URAD: variants seen among roughly 807,000 people sequenced by gnomAD.
URAD encodes putative 2-oxo-4-hydroxy-4-carboxy-5-ureidoimidazoline decarboxylase.
Under a neutral mutation model 4.6 loss-of-function variants are expected in URAD, and 4 were observed. The observed-to-expected ratio is 0.87, with a 90% confidence interval of 0.43 to 1.98. The LOEUF is 1.98. Among genes scored for constraint, URAD ranks in the 30% most tolerant of loss-of-function variants. The probability of loss-of-function intolerance (pLI) is 0.03; values close to 1 mark genes in which losing one functional copy is unlikely to be tolerated. For synonymous variants in URAD, 144 were observed against 118.2 expected (o/e 1.22, Z -1.41); for missense variants, 300 against 255.3 (o/e 1.18, Z -1.19).
At chr13:27,983,783 C>G (rs933248216) in intron 1 of URAD, among the ~76,000 whole-genome samples, 1 of 152,138 alleles carries the variant, frequency 6.6e-6, no homozygotes, top group Non-Finnish European at 1.5e-5. Context: ...TTCCCAGTGC[C>G]CACAACAATC....
chr13:27,980,571 A>C (rs1407343273), intron 1 of URAD, among the ~76,000 whole-genome samples: 1 of 152,174 alleles, frequency 6.6e-6, no homozygotes, highest in Admixed American at 6.5e-5. Flanking sequence ...TCGGAGTTTC[A>C]GAGCAGCCGC....
intron 1 of URAD, among the ~76,000 whole-genome samples, chr13:27,984,997 A>G (rs1250773745): frequency 6.6e-6 from 1 of 152,002 alleles, no homozygotes; most frequent in Non-Finnish European, 1.5e-5. Context: ...AAACAAACAA[A>G]AGCAATTTTA....
chr13:27,985,428 A>G, intron 1 of URAD, among the ~76,000 whole-genome samples: 1 of 152,224 alleles, frequency 6.6e-6, no homozygotes, highest in East Asian at 1.9e-4. Flanking sequence ...ACTGCACTCT[A>G]GCTTGGGTGA....
intron 1 of URAD, among the ~76,000 whole-genome samples, chr13:27,979,465 A>T (rs1869814175): frequency 6.6e-6 from 1 of 152,248 alleles, no homozygotes; most frequent in African/African-American, 2.4e-5. Flanking sequence ...GATTTGTAAA[A>T]TGCGGGTGAC....
At position 27,978,293 on chromosome 13, in the gene URAD, C is replaced by G; in HGVS notation, c.335G>C (p.Arg112Pro). ...CACGAAGGGGAAACCGAAGCGCGCG[C>G]GGTACTGCGCGTTGAGCTCGGCCAG... ...LRLAELNAQY[R>P]ARFGFPFVLA... is the part of the protein sequence containing the mutation. Residue 112 changes from arginine (R) to proline (P), a missense_variant, in exon 2 of 2, where the codon CGC becomes CCC. Transcript: ENST00000332715. 7.1e-7 allele frequency: 1 copy of G among 1,401,488 alleles called. No individual in the cohort carries two copies. The highest frequency in any genetic ancestry group is 9.2e-7 in the Non-Finnish European group (1 of 1,085,680). 86.8% of individuals were successfully genotyped at this position (1,401,488 alleles called of 1,614,324 possible).
At position 27,978,148 on chromosome 13, in the gene URAD, C is replaced by A; in HGVS notation, c.480G>T (p.Leu160=). The change falls in exon 2 of 2, where the codon CTG becomes CTT. Residue 160 remains leucine (L), a synonymous_variant. Transcript: ENST00000332715. ...CTGCGCGGAGGAGGTCGGCCAGGCG[C>A]AGGCTGCCGATCTTCTTCACCTCGC... ...ALGEVKKIGS[L]RLADLLRADP... The A allele has an allele frequency of 6.5e-7, 1 of 1,532,074 alleles. No homozygotes were observed. Among genetic ancestry groups the A allele is most frequent in the Non-Finnish European group, 8.7e-7 (1 of 1,152,362 alleles). The allele number at this position is 1,532,074 out of a possible 1,614,324, so 94.9% of individuals were successfully genotyped here. A position where few individuals can be genotyped will look rare whatever the true frequency, so the allele number is the denominator to read the frequency against.
intron 1 of URAD, among the ~76,000 whole-genome samples, chr13:27,982,149 G>T (rs1181250952): frequency 6.6e-6 from 1 of 152,140 alleles, no homozygotes; most frequent in Non-Finnish European, 1.5e-5. Flanking sequence ...GACTATAAAC[G>T]GCCGGGCACA....
Position 27,988,468 on chromosome 13 carries a change from T to G in URAD, c.170A>C (p.Gln57Pro), listed in dbSNP as rs3897926. The change falls in exon 1 of 2, where the codon CAG (glutamine) becomes CCG (proline). Residue 57 changes from glutamine (Q) to proline (P), a missense_variant. Transcript: ENST00000332715. The part of the protein sequence containing the change: ...HFFAFIDALA[Q>P]SGQEGILRCH... ...GTCTGATACGGAAGCCTTACCTGAC[T>G]GTGCAAGGGCATCAATAAAGGCAAA... 596,095 of 1,591,700 alleles carry G rather than the reference T, an allele frequency of 0.37. 115,560 individuals are homozygous for G. Among genetic ancestry groups the G allele is most frequent in the Admixed American group, 0.42 (22,688 of 54,646 alleles).
intron 1 of URAD, among the ~76,000 whole-genome samples, chr13:27,987,597 A>G (rs536381744): frequency 2.0e-5 from 3 of 152,246 alleles, no homozygotes; most frequent in African/African-American, 7.2e-5. Context: ...CCTCTCTGTC[A>G]CATACAGGAC....
rs534412189 is a variant in URAD, at chr13:27,987,411, C to T, written c.175+1052G>A. On this transcript the variant is annotated intron_variant, in intron 1 of 1. Transcript: ENST00000332715. The stretch of plus-strand genomic sequence containing the variant: ...CAGAAGAAATCAGTAACTTCTTTCC[C>T]TTCCTCCAGAGGGATGCCTTCAGAT... 7.8e-4 allele frequency among the ~76,000 whole-genome samples: 119 copies of T among 152,306 alleles called. 1 individual carries two copies. The South Asian group carries it at 0.015, about 19-fold the overall frequency.
At position 27,978,370 on chromosome 13, in the gene URAD, C is replaced by G; in HGVS notation, c.258G>C (p.Arg86=). 1.4e-6 allele frequency: 2 copies of G among 1,403,142 alleles called. No individual in the cohort carries two copies. The highest frequency in any genetic ancestry group is 1.8e-6 in the Non-Finnish European group (2 of 1,085,302). The allele number at this position is 1,403,142 out of a possible 1,614,324, so 86.9% of individuals were successfully genotyped here. ...QRGTLTAESQ[R]EQSGAGLRSL... is the part of the protein sequence containing the mutation. ...TCCTCAGGCCTGCGCCGCTCTGTTC[C>G]CGCTGCGACTCGGCCGTGAGCGTGC... Residue 86 remains arginine, a synonymous_variant, in exon 2 of 2, where the codon CGG becomes CGC. Transcript: ENST00000332715.
chr13:27,980,287 G>A (rs554096751), intron 1 of URAD, among the ~76,000 whole-genome samples: 3 of 152,322 alleles, frequency 2.0e-5, no homozygotes, highest in African/African-American at 7.2e-5. Flanking sequence ...ACTGCAAACA[G>A]GAACGGGTCT....
At position 27,978,056 on chromosome 13, in the gene URAD, G is replaced by C. The variant is rs756241945; in HGVS notation, c.*50C>G. ...CCCAGGACGCACAGCTCCGGGCCGT[G>C]GCCCCCGCGCGTCCGGTTGTGCGTC... On this transcript the variant is annotated 3_prime_UTR_variant, in exon 2 of 2. Coordinates refer to ENST00000332715, the MANE Select transcript of URAD (RefSeq NM_001105577.2). The C allele has an allele frequency of 6.0e-5, 83 of 1,384,888 alleles. No individual in the cohort carries two copies. In the African/African-American group the frequency reaches 1.1e-3, roughly 19 times the overall value. 85.8% of individuals were successfully genotyped at this position (1,384,888 alleles called of 1,614,324 possible).
At chr13:27,986,961 C>T (rs1039037489) in intron 1 of URAD, among the ~76,000 whole-genome samples, 7 of 152,208 alleles carry the variant, frequency 4.6e-5, no homozygotes, top group African/African-American at 1.4e-4. Flanking sequence ...AAGTCCTCAG[C>T]TATGGAGAGG....
chr13:27,981,284 C>T (rs1353620194), intron 1 of URAD, among the ~76,000 whole-genome samples: 4 of 152,180 alleles, frequency 2.6e-5, no homozygotes, highest in Non-Finnish European at 5.9e-5. Context: ...TGCCCATAAG[C>T]CCCAGTGGGA....
At chr13:27,984,212 G>A (rs531779756) in intron 1 of URAD, among the ~76,000 whole-genome samples, 30 of 152,186 alleles carry the variant, frequency 2.0e-4, no homozygotes, top group Admixed American at 5.2e-4. Context: ...CATAGCCAGC[G>A]GAAATGCACA....
At chr13:27,985,120 C>T (rs1009028053) in intron 1 of URAD, among the ~76,000 whole-genome samples, 1 of 152,110 alleles carries the variant, frequency 6.6e-6, no homozygotes, top group Non-Finnish European at 1.5e-5. Flanking sequence ...ATATCTATCA[C>T]CTCACATATT....
intron 1 of URAD, among the ~76,000 whole-genome samples, chr13:27,978,891 T>C (rs956836016): frequency 6.6e-6 from 1 of 152,052 alleles, no homozygotes; most frequent in East Asian, 1.9e-4. Flanking sequence ...CAGGGGGGGC[T>C]TTGATGTCTA....
Position 27,978,394 on chromosome 13 carries a change from GC to G in URAD, c.233del (p.Gly78AlafsTer16). The G allele has an allele frequency of 1.4e-6, 2 of 1,399,680 alleles. No homozygotes were observed. The highest frequency in any genetic ancestry group is 3.1e-5 in the Admixed American group (1 of 32,032). The allele number at this position is 1,399,680 out of a possible 1,614,324, so 86.7% of individuals were successfully genotyped here. A position where few individuals can be genotyped will look rare whatever the true frequency, so the allele number is the denominator to read the frequency against. ...PDLAGSELQR[G>X]TLTAESQREQ... ...CCCGCTGCGACTCGGCCGTGAGCGTGCCCCGCTGCAGCTCGCTGCCCGCCAG... is the reference window on the plus strand; with the variant it reads ...CCCGCTGCGACTCGGCCGTGAGCGTGCCCGCTGCAGCTCGCTGCCCGCCAG... On this transcript the variant is annotated frameshift_variant, in exon 2 of 2. Transcript: ENST00000332715. LOFTEE classifies it low-confidence loss of function (END_TRUNC).
Sources: allele counts gnomAD v4.1 joint callset (sites outside exome capture counted in the v4.1 genomes callset), GRCh38; gene constraint gnomAD v4.1.1; transcripts MANE v1.5; gene names NCBI Gene and HGNC (gene_info 2026-07-23, HGNC 2026-07-21).